The following COL6A6 variants were observed in gnomAD, a reference collection of about 807,000 sequenced individuals.
COL6A6 encodes collagen type VI alpha 6 chain, also known as collagen alpha-6(VI) chain.
In COL6A6, 183 loss-of-function variants were observed where a neutral mutation model predicts 208.6. The observed-to-expected ratio is 0.88, with a 90% CI of 0.78 to 0.99. The LOEUF is 0.99. Among genes scored for constraint, COL6A6 ranks in the 50% least tolerant of loss-of-function variants. The pLI is 0.00. For synonymous variants in COL6A6, 973 were observed against 1,011.8 expected, an observed-to-expected ratio of 0.96 and a Z score of 0.73; for missense variants, 2,816 against 2,815.2, an observed-to-expected ratio of 1.00 and a Z score of -0.01.
Position 130,563,203 on chromosome 3 carries a change from C to G in COL6A6, c.200C>G (p.Ala67Gly). The G allele has an allele frequency of 6.2e-7, 1 of 1,614,000 alleles. No homozygotes were observed. The highest frequency in any genetic ancestry group is 8.5e-7 in the Non-Finnish European group (1 of 1,179,896). Residue 67 changes from alanine (A) to glycine (G), a missense_variant, in exon 3 of 37, where the codon GCC becomes GGC. Transcript: ENST00000358511. ...ATAGAGGCCGACAAATACCGTGTGGCCCTGGCCCAGTACAGTGATAAACTT... is the reference window on the plus strand; with the variant it reads ...ATAGAGGCCGACAAATACCGTGTGGGCCTGGCCCAGTACAGTGATAAACTT... ...LPIEADKYRVALAQYSDKLHS... is the reference protein window; with the variant it reads ...LPIEADKYRVGLAQYSDKLHS...
chr3:130,569,686 G>A (rs1347258174), intron 6 of COL6A6, among the ~76,000 whole-genome samples: 1 of 152,170 alleles, frequency 6.6e-6, no homozygotes, highest in Non-Finnish European at 1.5e-5. Flanking sequence ...GAAGCGTTCT[G>A]ACACTGAGTA....
intron 34 of COL6A6, among the ~76,000 whole-genome samples, chr3:130,659,690 C>T (rs922810790): frequency 2.6e-5 from 4 of 152,156 alleles, no homozygotes; most frequent in Admixed American, 1.3e-4. Context: ...GACTCTAAAC[C>T]GTCTGCAGTT....
intron 12 of COL6A6, chr3:130,590,026 TGGAAAGAAA>T: frequency 2.2e-6 from 1 of 451,838 alleles, no homozygotes; most frequent in South Asian, 1.6e-5. Flanking sequence ...TCAGAAAGAA[TGGAAAGAAA>T]GGTGTGTGGT....
At chr3:130,663,440 T>G (rs2065988456) in intron 35 of COL6A6, among the ~76,000 whole-genome samples, 2 of 151,966 alleles carry the variant, frequency 1.3e-5, no homozygotes, top group Non-Finnish European at 2.9e-5. Context: ...GCCCCCAGAA[T>G]GAAATTTATG....
intron 23 of COL6A6, among the ~76,000 whole-genome samples, chr3:130,617,538 G>A (rs761807742): frequency 5.3e-5 from 8 of 152,088 alleles, no homozygotes; most frequent in Non-Finnish European, 8.8e-5. Context: ...TAGAATGCAT[G>A]GAGAAGTATT....
chr3:130,540,327 C>T (rs954469312), intron 1 of COL6A6, among the ~76,000 whole-genome samples: 1 of 152,168 alleles, frequency 6.6e-6, no homozygotes, highest in African/African-American at 2.4e-5. Context: ...ATTGATGAAC[C>T]TGCCTACGCT....
rs138456647 is a variant in COL6A6, at chr3:130,568,718, A to G, written c.2401+114A>G. 55 of 1,036,680 alleles carry G rather than the reference A, an allele frequency of 5.3e-5. No individual in the cohort carries two copies. The East Asian group carries it at 1.3e-3, about 24-fold the overall frequency. 64.2% of individuals were successfully genotyped at this position (1,036,680 alleles called of 1,614,324 possible). ...ATTGTAAACTTTTGGTTTAATTGAA[A>G]TGTTTCTCCTAGTGGCTTTGACCTG... On this transcript the variant is annotated intron_variant, in intron 6 of 36. Transcript: ENST00000358511.
intron 8 of COL6A6, among the ~76,000 whole-genome samples, chr3:130,576,270 AC>A (rs925333070): frequency 6.6e-6 from 1 of 151,878 alleles, no homozygotes; most frequent in African/African-American, 2.4e-5. Context: ...AAAGGAAGTC[AC>A]CCACTCTCCT....
At chr3:130,564,049 T>C (rs2107874475) in intron 3 of COL6A6, among the ~76,000 whole-genome samples, 1 of 152,362 alleles carries the variant, frequency 6.6e-6, no homozygotes, top group African/African-American at 2.4e-5. Context: ...CCACATAATA[T>C]AATCATAGAA....
chr3:130,609,005 G>C (rs775374575), intron 22 of COL6A6, 41 bp downstream of exon 22: 9 of 1,477,336 alleles, frequency 6.1e-6, no homozygotes, highest in Non-Finnish European at 8.4e-6. Flanking sequence ...ACATAAAGAA[G>C]AATCTGGGAA....
intron 1 of COL6A6, among the ~76,000 whole-genome samples, chr3:130,559,676 T>C (rs1444541243): frequency 6.6e-6 from 1 of 152,208 alleles, no homozygotes; most frequent in East Asian, 1.9e-4. Context: ...AAAATGAACA[T>C]TTCAAGGTGG....
intron 6 of COL6A6, among the ~76,000 whole-genome samples, chr3:130,569,932 G>A (rs186798441): frequency 1.4e-4 from 22 of 152,344 alleles, no homozygotes; most frequent in African/African-American, 1.9e-4. Context: ...AAGCCTCTGG[G>A]GGGTGGGTGC....
intron 12 of COL6A6, chr3:130,590,037 G>A (rs1305105550): frequency 2.2e-6 from 1 of 449,912 alleles, no homozygotes; most frequent in South Asian, 1.6e-5. Flanking sequence ...GGAAAGAAAG[G>A]TGTGTGGTCT....
chr3:130,563,118 G>C lies in COL6A6; in HGVS notation c.115G>C (p.Gly39Arg). 4 of 1,613,906 alleles carry C rather than the reference G, an allele frequency of 2.5e-6. No individual in the cohort carries two copies. The highest frequency in any genetic ancestry group is 2.5e-6 in the Non-Finnish European group (3 of 1,179,868). Residue 39 changes from glycine to arginine, a missense_variant, in exon 3 of 37, where the codon GGA becomes CGA. Coordinates refer to ENST00000358511, the MANE Select transcript of COL6A6 (RefSeq NM_001102608.3). ...TTTGGTGGACAGCTCTGATCGCCTG[G>C]GATCCAAGTCCTTCCCATTTGTGAA... The part of the protein sequence containing the change: ...VFLVDSSDRL[G>R]SKSFPFVKMF...
chr3:130,665,219 C>T (rs2066044793), intron 36 of COL6A6, 123 bp downstream of exon 36: 1 of 592,872 alleles, frequency 1.7e-6, no homozygotes. Context: ...TCTATTGCTA[C>T]ATGATATTAA....
intron 33 of COL6A6, among the ~76,000 whole-genome samples, chr3:130,655,047 T>C (rs1195524046): frequency 1.3e-5 from 2 of 152,104 alleles, no homozygotes; most frequent in Admixed American, 6.6e-5. Flanking sequence ...AAAGGGCCAA[T>C]CATAGGTTCT....
At chr3:130,621,513 G>C (rs1450786787) in intron 23 of COL6A6, among the ~76,000 whole-genome samples, 2 of 152,200 alleles carry the variant, frequency 1.3e-5, no homozygotes, top group African/African-American at 4.8e-5. Context: ...ATTTGGAATG[G>C]CTTCTTTAAG....
At position 130,662,325 on chromosome 3, in the gene COL6A6, G is replaced by A. The variant is rs2065959070; in HGVS notation, c.6502+17G>A. On this transcript the variant is annotated intron_variant, in intron 35 of 36. Coordinates refer to ENST00000358511, the MANE Select transcript of COL6A6 (RefSeq NM_001102608.3). ...CAATCAGGCGTAAGTCATAAAATCT[G>A]TTGTTCTCTGCACTTTAAGAATATA... 6.3e-7 allele frequency: 1 copy of A among 1,599,736 alleles called. No individual in the cohort carries two copies. The highest frequency in any genetic ancestry group is 8.5e-7 in the Non-Finnish European group (1 of 1,171,160).
intron 4 of COL6A6, 66 bp downstream of exon 4, chr3:130,565,680 A>G (rs973841110): frequency 4.9e-5 from 72 of 1,482,596 alleles, no homozygotes; most frequent in Non-Finnish European, 3.6e-5. Flanking sequence ...AATATTCTGT[A>G]TACAAAGTGG....
Sources: gnomAD v4.1 joint callset for allele counts (sites outside exome capture counted in the v4.1 genomes callset) on GRCh38, gnomAD v4.1.1 for gene constraint, MANE v1.5 for transcripts, NCBI Gene and HGNC (gene_info 2026-07-23, HGNC 2026-07-21) for gene names.